Variants in FOXP2 observed in about 807,000 individuals in gnomAD.
The protein encoded by FOXP2 is forkhead box P2, also known as forkhead box protein P2.
A neutral mutation model predicts 115.8 loss-of-function variants in FOXP2; 12 were observed. That is an observed-to-expected ratio of 0.10 (90% CI 0.07 to 0.17). The LOEUF (loss-of-function observed/expected upper bound fraction) is 0.17, where lower values mean the gene tolerates loss of function less well. Ranked by LOEUF, FOXP2 falls within the 10% of genes least tolerant of loss-of-function variation. The pLI is 1.00. For missense variants in FOXP2, 629 were observed against 843.5 expected (o/e 0.75, Z 3.15); for synonymous variants, 328 against 297.7 (o/e 1.10, Z -1.05).
intron 1 of FOXP2, among the ~76,000 whole-genome samples, chr7:114,187,319 T>A (rs1446627079): frequency 6.6e-6 from 1 of 152,254 alleles, no homozygotes; most frequent in Non-Finnish European, 1.5e-5. Context: ...GCTGCTTAGA[T>A]AATTCTTCAG....
chr7:114,592,956 A>G (rs1254461915), intron 3 of FOXP2, among the ~76,000 whole-genome samples: 1 of 151,852 alleles, frequency 6.6e-6, no homozygotes, highest in Non-Finnish European at 1.5e-5. Flanking sequence ...CTTTGTTTAT[A>G]TTGTCTTTAG....
chr7:114,542,268 A>G lies in FOXP2; in HGVS notation c.258+7562A>G, dbSNP rs532762224. On this transcript the variant is annotated intron_variant, in intron 3 of 16. Transcript: ENST00000350908. Reference sequence around the variant, plus strand: ...CCATAAGAACACAGAAACTTTAAATATCTGTAACTATCTAATTCTATCATG... The same window carrying G: ...CCATAAGAACACAGAAACTTTAAATGTCTGTAACTATCTAATTCTATCATG... Among the ~76,000 whole-genome samples the G allele has an allele frequency of 1.3e-4, 20 of 152,276 alleles. No individual in the cohort carries two copies. In the South Asian group the frequency reaches 4.1e-3, roughly 32 times the overall value.
At chr7:114,126,410 A>C (rs1314671974) in intron 1 of FOXP2, among the ~76,000 whole-genome samples, 4 of 152,112 alleles carry the variant, frequency 2.6e-5, no homozygotes, top group Non-Finnish European at 4.4e-5. Context: ...AAATACTTTC[A>C]TTTTCATGAA....
At chr7:114,498,792 T>G (rs916045562) in intron 2 of FOXP2, 9 of 708,934 alleles carry the variant, frequency 1.3e-5, no homozygotes, top group Non-Finnish European at 2.1e-5. Flanking sequence ...GCAAATAATT[T>G]TTTTGGGGGT....
intron 2 of FOXP2, among the ~76,000 whole-genome samples, chr7:114,521,776 T>G (rs2129269827): frequency 6.6e-6 from 1 of 152,124 alleles, no homozygotes; most frequent in Non-Finnish European, 1.5e-5. Context: ...AGAAATATTA[T>G]GCTAATTTCA....
chr7:114,496,919 C>A (rs1797347623), intron 2 of FOXP2, among the ~76,000 whole-genome samples: 1 of 152,146 alleles, frequency 6.6e-6, no homozygotes, highest in African/African-American at 2.4e-5. Flanking sequence ...AGTGGACTTA[C>A]TAAATATTTG....
chr7:114,686,561 T>C (rs1808374681), intron 16 of FOXP2, among the ~76,000 whole-genome samples: 1 of 152,232 alleles, frequency 6.6e-6, no homozygotes, highest in African/African-American at 2.4e-5. Context: ...CACATTCTAA[T>C]ATCCAGTTCA....
At chr7:114,267,717 A>G (rs1771655659) in intron 1 of FOXP2, among the ~76,000 whole-genome samples, 1 of 147,982 alleles carries the variant, frequency 6.8e-6, no homozygotes, top group African/African-American at 2.5e-5. Flanking sequence ...ACAGAGCGAG[A>G]CTCCATCTCA....
At chr7:114,183,934 T>A (rs1793524207) in intron 1 of FOXP2, among the ~76,000 whole-genome samples, 1 of 152,120 alleles carries the variant, frequency 6.6e-6, no homozygotes, top group East Asian at 1.9e-4. Context: ...GCCAGAAGAT[T>A]AGTTAATGTG....
intron 2 of FOXP2, among the ~76,000 whole-genome samples, chr7:114,340,671 A>G (rs1029185575): frequency 6.6e-6 from 1 of 151,096 alleles, no homozygotes; most frequent in South Asian, 2.1e-4. Context: ...GCATTTGTCG[A>G]TAATACTTTT....
chr7:114,304,669 CAAAAAAAAAAAAAAAAAAA>C (rs71157580), intron 2 of FOXP2, among the ~76,000 whole-genome samples: 2 of 65,116 alleles, frequency 3.1e-5, no homozygotes, highest in African/African-American at 1.3e-4. Context: ...GACTCTGTCT[CAAAAAAAAAAAAAAAAAAA>C]AAAAAAAAGA....
intron 2 of FOXP2, among the ~76,000 whole-genome samples, chr7:114,321,903 A>G (rs1238196078): frequency 6.6e-6 from 1 of 152,206 alleles, no homozygotes; most frequent in Non-Finnish European, 1.5e-5. Context: ...TATTAAATAG[A>G]GAAAGCCAAG....
intron 3 of FOXP2, among the ~76,000 whole-genome samples, chr7:114,551,698 A>G (rs1562993711): frequency 6.7e-6 from 1 of 149,622 alleles, no homozygotes; most frequent in African/African-American, 2.6e-5. Context: ...TTTTTAAAAA[A>G]AGAGAGAGAA....
At chr7:114,635,448 T>C (rs1805167099) in intron 6 of FOXP2, among the ~76,000 whole-genome samples, 1 of 152,190 alleles carries the variant, frequency 6.6e-6, no homozygotes, top group Admixed American at 6.5e-5. Flanking sequence ...AAATCTTATT[T>C]GGTGCTTTAT....
At chr7:114,613,267 C>T (rs1803730034) in intron 3 of FOXP2, among the ~76,000 whole-genome samples, 2 of 152,176 alleles carry the variant, frequency 1.3e-5, no homozygotes, top group African/African-American at 2.4e-5. Context: ...CAGTTCCCTT[C>T]CCTAGAGACA....
intron 2 of FOXP2, among the ~76,000 whole-genome samples, chr7:114,381,329 A>C (rs552362277): frequency 6.6e-6 from 1 of 152,324 alleles, no homozygotes; most frequent in Non-Finnish European, 1.5e-5. Flanking sequence ...GAAGAAACTT[A>C]AGAGCACTTG....
At chr7:114,630,677 C>T (rs1282363471) in intron 5 of FOXP2, 8 of 153,634 alleles carry the variant, frequency 5.2e-5, no homozygotes, top group African/African-American at 1.9e-4. Context: ...TTTTGACCTC[C>T]TGAGGCTTTG....
At chr7:114,167,460 G>C (rs1479393922) in intron 1 of FOXP2, among the ~76,000 whole-genome samples, 1 of 152,162 alleles carries the variant, frequency 6.6e-6, no homozygotes, top group Non-Finnish European at 1.5e-5. Flanking sequence ...AGTTGAGCAA[G>C]TCTATTGGTG....
chr7:114,136,198 C>G (rs989321067), intron 1 of FOXP2, among the ~76,000 whole-genome samples: 2 of 152,058 alleles, frequency 1.3e-5, no homozygotes, highest in Non-Finnish European at 2.9e-5. Context: ...TTGATACTTC[C>G]TTCTATCCTC....
Sources: gnomAD v4.1 joint callset for allele counts (sites outside exome capture counted in the v4.1 genomes callset) on GRCh38, gnomAD v4.1.1 for gene constraint, MANE v1.5 for transcripts, NCBI Gene and HGNC (gene_info 2026-07-23, HGNC 2026-07-21) for gene names.